Variants in ZNF850 observed in about 807,000 individuals in gnomAD.
ZNF850 encodes putative zinc finger protein ENSP00000330994.
Under a neutral mutation model 11.9 loss-of-function variants are expected in ZNF850, and 2 were observed. That is an observed-to-expected ratio of 0.17 (90% CI 0.07 to 0.53). The LOEUF (loss-of-function observed/expected upper bound fraction) is 0.53, where lower values mean the gene tolerates loss of function less well. Among genes scored for constraint, ZNF850 ranks in the 20% least tolerant of loss-of-function variants. The probability of loss-of-function intolerance (pLI) is 0.94; values close to 1 mark genes in which losing one functional copy is unlikely to be tolerated. For synonymous variants in ZNF850, 381 were observed against 443.0 expected (o/e 0.86, Z 1.76); for missense variants, 1,014 against 1,316.4 (o/e 0.77, Z 3.55).
At chr19:36,763,900 T>A (rs7252646) in intron 1 of ZNF850, among the ~76,000 whole-genome samples, 86,785 of 151,542 alleles carry the variant, frequency 0.57, 25,565 homozygotes, top group Non-Finnish European at 0.64. Flanking sequence ...ATCCTGCCAC[T>A]GCACTCCAGC....
intron 4 of ZNF850, among the ~76,000 whole-genome samples, chr19:36,752,427 C>T (rs920987876): frequency 3.9e-5 from 6 of 152,094 alleles, no homozygotes; most frequent in African/African-American, 1.4e-4. Context: ...AAAGATGGGA[C>T]AAGTTGAGCA....
chr19:36,764,990 CTGATTTTCTA>C (rs1374724654), intron 1 of ZNF850, among the ~76,000 whole-genome samples: 1 of 151,946 alleles, frequency 6.6e-6, no homozygotes, highest in African/African-American at 2.4e-5. Flanking sequence ...CCGGGCAACT[CTGATTTTCTA>C]ACTTGCCCCC....
At position 36,749,012 on chromosome 19, in the gene ZNF850, C is replaced by T. The variant is rs564770923; in HGVS notation, c.2028G>A (p.Pro676=). 138 of 1,608,196 alleles carry T rather than the reference C, an allele frequency of 8.6e-5. No individual in the cohort carries two copies. In the African/African-American group the frequency reaches 9.6e-4, roughly 11 times the overall value. ...GCTGTCTAAAGGCCTTCCCACAGTC[C>T]GGACATTCATAGGGTTTCTCACCAG... ...IHTGEKPYEC[P]DCGKAFRQRT... The change falls in exon 5 of 5, where the codon CCG becomes CCA. Residue 676 remains proline, a synonymous_variant. Coordinates refer to ENST00000591344, the MANE Select transcript of ZNF850 (RefSeq NM_001193552.2).
chr19:36,748,605 G>T lies in ZNF850; in HGVS notation c.2435C>A (p.Pro812His). The change falls in exon 5 of 5, where the codon CCT (proline) becomes CAT (histidine). Residue 812 changes from proline to histidine, a missense_variant. By Grantham distance (77) the Pro-to-His change is moderately conservative. Transcript: ENST00000591344. ...TTTCCCACATTCCTTGCAATGATAA[G>T]GTTTCTCACCAGTGTGAAGTGGCTG... ...QHQPLHTGEKPYHCKECGKSF... is the reference protein window; with the variant it reads ...QHQPLHTGEKHYHCKECGKSF... 2 of 1,537,148 alleles carry T rather than the reference G, an allele frequency of 1.3e-6. No individual in the cohort carries two copies. Among genetic ancestry groups the T allele is most frequent in the Non-Finnish European group, 1.7e-6 (2 of 1,146,930 alleles).
chr19:36,748,781 A>T lies in ZNF850; in HGVS notation c.2259T>A (p.Gly753=). The change falls in exon 5 of 5, where the codon GGT becomes GGA. Residue 753 remains glycine, a synonymous_variant. Coordinates refer to ENST00000591344, the MANE Select transcript of ZNF850 (RefSeq NM_001193552.2). The part of the protein sequence containing the change: ...TLIQHQQIHT[G]EKPYDCKECG... The stretch of plus-strand genomic sequence containing the variant: ...ATTCCTTACAATCATAGGGTTTCTC[A>T]CCAGTGTGAATTTGCTGATGTTGAA... The T allele has an allele frequency of 6.4e-7, 1 of 1,552,406 alleles. No homozygotes were observed. The highest frequency in any genetic ancestry group is 1.7e-4 in the Middle Eastern group (1 of 6,008).
chr19:36,756,008 C>A, intron 4 of ZNF850, among the ~76,000 whole-genome samples: 1 of 148,064 alleles, frequency 6.8e-6, no homozygotes, highest in Admixed American at 6.9e-5. Context: ...TGGTTTCATG[C>A]GATTCTCCTT....
Position 36,750,164 on chromosome 19 carries a change from A to C in ZNF850, c.876T>G (p.Ser292=). The C allele has an allele frequency of 1.3e-6, 2 of 1,538,928 alleles. No homozygotes were observed. Among genetic ancestry groups the C allele is most frequent in the Non-Finnish European group, 1.7e-6 (2 of 1,146,956 alleles). Residue 292 remains serine (S), a synonymous_variant, in exon 5 of 5, where the codon TCT becomes TCG. Transcript: ENST00000591344. Reference sequence around the variant, plus strand: ...GCTGATGTTGATTTAGTGTTGAGCCAGAAGTAAAAGATTTCCCACATTCTT... The same window carrying C: ...GCTGATGTTGATTTAGTGTTGAGCCCGAAGTAAAAGATTTCCCACATTCTT... ...ECKECGKSFT[S]GSTLNQHQQI...
At chr19:36,762,903 C>T (rs62112551) in intron 1 of ZNF850, among the ~76,000 whole-genome samples, 3,375 of 146,896 alleles carry the variant, frequency 0.023, 56 homozygotes, top group Non-Finnish European at 0.036. Context: ...TTTTTGTTTT[C>T]GTTTTGAGAC....
At chr19:36,753,421 T>TAAAAA (rs1568735232) in intron 4 of ZNF850, among the ~76,000 whole-genome samples, 2 of 7,692 alleles carry the variant, frequency 2.6e-4, no homozygotes, top group Non-Finnish European at 7.3e-4. Context: ...GGACACTGTC[T>TAAAAA]CAAAAAAAAA....
At chr19:36,760,348 G>A (rs1480970297) in intron 4 of ZNF850, among the ~76,000 whole-genome samples, 2 of 152,106 alleles carry the variant, frequency 1.3e-5, no homozygotes, top group African/African-American at 4.8e-5. Context: ...TCCGGAGGCT[G>A]TGGCACGAGA....
rs769232532 is a variant in ZNF850 at position 36,761,664 on chromosome 19, C to T, written c.214G>A (p.Val72Met). The T allele has an allele frequency of 2.4e-5, 37 of 1,555,840 alleles. 1 individual carries two copies. The South Asian group carries it at 3.0e-4, about 13-fold the overall frequency. Residue 72 changes from valine to methionine, a missense_variant, in exon 4 of 5, where the codon GTG becomes ATG. Transcript: ENST00000591344. Reference protein sequence around the residue: ...GKEPWMVSRDVLGGWCRDSEF... With the variant: ...GKEPWMVSRDMLGGWCRDSEF... Reference sequence around the variant, plus strand: ...TCACCTCGGCACCATCCTCCCAGCACGTCCCTTGAAACCATCCAGGGCTCT... The same window carrying T: ...TCACCTCGGCACCATCCTCCCAGCATGTCCCTTGAAACCATCCAGGGCTCT...
Position 36,750,575 on chromosome 19 carries a change from T to C in ZNF850, c.465A>G (p.Thr155=), listed in dbSNP as rs902496770. ...YETTPTFCLQ[T]SLTLHHRIHP... ...GAATCCGATGATGCAGAGTGAGAGATGTCTGTAGGCAGAAAGTTGGTGTTG... is the reference window on the plus strand; with the variant it reads ...GAATCCGATGATGCAGAGTGAGAGACGTCTGTAGGCAGAAAGTTGGTGTTG... Residue 155 remains threonine, a synonymous_variant, in exon 5 of 5, where the codon ACA becomes ACG. Coordinates refer to ENST00000591344, the MANE Select transcript of ZNF850 (RefSeq NM_001193552.2). The C allele has an allele frequency of 7.2e-6, 11 of 1,536,068 alleles. No individual in the cohort carries two copies. The highest frequency in any genetic ancestry group is 3.9e-5 in the Admixed American group (2 of 50,976).
chr19:36,768,218 A>C (rs936633247), intron 1 of ZNF850, among the ~76,000 whole-genome samples: 18 of 148,348 alleles, frequency 1.2e-4, no homozygotes, highest in African/African-American at 4.5e-4. Context: ...AAAAAAAAAA[A>C]ACTATAATAT....
chr19:36,764,879 G>A lies in ZNF850; in HGVS notation c.-69-2204C>T, dbSNP rs2040540489. Among the ~76,000 whole-genome samples, 4 of 151,800 alleles carry A rather than the reference G, an allele frequency of 2.6e-5. 1 individual carries two copies. In the South Asian group the frequency reaches 8.3e-4, roughly 32 times the overall value. On this transcript the variant is annotated intron_variant, in intron 1 of 4. Transcript: ENST00000591344. Reference sequence around the variant, plus strand: ...TTTTTGTATTTTTAGTAGAGACGGGGTTTCACTGTGTTGCTGAGGCTGGTC... The same window carrying A: ...TTTTTGTATTTTTAGTAGAGACGGGATTTCACTGTGTTGCTGAGGCTGGTC...
At chr19:36,758,840 A>G (rs2145962898) in intron 4 of ZNF850, among the ~76,000 whole-genome samples, 1 of 152,210 alleles carries the variant, frequency 6.6e-6, no homozygotes, top group Non-Finnish European at 1.5e-5. Context: ...GCATTTTGGG[A>G]GGCCAAGGCA....
chr19:36,758,853 C>T (rs2040501944), intron 4 of ZNF850, among the ~76,000 whole-genome samples: 1 of 151,516 alleles, frequency 6.6e-6, no homozygotes, highest in African/African-American at 2.4e-5. Flanking sequence ...CCAAGGCAGG[C>T]AGATCACGAG....
Position 36,747,907 on chromosome 19 carries a change from C to G in ZNF850, c.3133G>C (p.Ala1045Pro). 6.4e-7 allele frequency: 1 copy of G among 1,569,828 alleles called. No individual in the cohort carries two copies. Among genetic ancestry groups the G allele is most frequent in the Non-Finnish European group, 8.6e-7 (1 of 1,162,270 alleles). ...CTGAGTCCTGAGGCATAGAAAAAGG[C>G]TTTCCCACATTCCGGACATTGATAA... The part of the protein sequence containing the change: ...KTYQCPECGK[A>P]FFYASGLSRH... The change falls in exon 5 of 5, where the codon GCC becomes CCC. Residue 1045 changes from alanine (A) to proline (P), a missense_variant. By Grantham distance (27) the Ala-to-Pro change is conservative. Transcript: ENST00000591344.
intron 4 of ZNF850, among the ~76,000 whole-genome samples, chr19:36,758,443 T>A (rs2040499875): frequency 6.6e-6 from 1 of 151,108 alleles, no homozygotes; most frequent in African/African-American, 2.4e-5. Context: ...TGCAGTGGTG[T>A]GATCTCGGCT....
At position 36,749,879 on chromosome 19, in the gene ZNF850, G is replaced by T. The variant is rs769398790; in HGVS notation, c.1161C>A (p.His387Gln). The T allele has an allele frequency of 3.2e-6, 5 of 1,580,844 alleles. No individual in the cohort carries two copies. Among genetic ancestry groups the T allele is most frequent in the Non-Finnish European group, 3.4e-6 (4 of 1,165,556 alleles). Residue 387 changes from histidine (H) to glutamine (Q), a missense_variant, in exon 5 of 5, where the codon CAC (histidine) becomes CAA (glutamine). His to Gln is a conservative substitution (Grantham distance 24). Around this residue, in one of 2 missense-constraint regions of ZNF850, gnomAD observed 835 missense variants for 1,022.0 expected, o/e 0.82. Coordinates refer to ENST00000591344, the MANE Select transcript of ZNF850 (RefSeq NM_001193552.2). Reference protein sequence around the residue: ...HSALIRHQRIHTGEKPYDCKE... With the variant: ...HSALIRHQRIQTGEKPYDCKE... The stretch of plus-strand genomic sequence containing the variant: ...TACAATCATAGGGTTTCTCACCAGT[G>T]TGAATTCGCTGATGTCGAATTAGAG...
Sources: gnomAD v4.1 joint callset for allele counts (sites outside exome capture counted in the v4.1 genomes callset) on GRCh38, gnomAD v4.1.1 for gene constraint, gnomAD v4.1.1 regional missense constraint, MANE v1.5 for transcripts, NCBI Gene and HGNC (gene_info 2026-07-23, HGNC 2026-07-21) for gene names.